PDS5B: variants seen among roughly 807,000 people sequenced by gnomAD.
PDS5B encodes sister chromatid cohesion protein PDS5 homolog B.
Under a neutral mutation model 184.1 loss-of-function variants are expected in PDS5B, and 51 were observed. That is an observed-to-expected ratio of 0.28 (90% CI 0.22 to 0.35). The LOEUF (loss-of-function observed/expected upper bound fraction) is 0.35. PDS5B is among the 10% of genes least tolerant of loss of function. PDS5B has a pLI of 1.00. For synonymous variants in PDS5B, 566 were observed against 569.2 expected (o/e 0.99, Z 0.08); for missense variants, 1,180 against 1,723.3 (o/e 0.68, Z 5.58).
intron 1 of PDS5B, among the ~76,000 whole-genome samples, chr13:32,603,490 T>C (rs1340425596): frequency 2.0e-5 from 3 of 152,252 alleles, no homozygotes; most frequent in African/African-American, 7.2e-5. Flanking sequence ...GCTGGTTTGG[T>C]TACTGTAGCC....
At chr13:32,746,412 A>C (rs1953744710) in intron 24 of PDS5B, among the ~76,000 whole-genome samples, 1 of 152,110 alleles carries the variant, frequency 6.6e-6, no homozygotes. Flanking sequence ...CCCTGGCCAC[A>C]ACATTTTCAT....
intron 6 of PDS5B, among the ~76,000 whole-genome samples, chr13:32,663,851 A>AT (rs1189984114): frequency 3.3e-5 from 5 of 152,096 alleles, no homozygotes; most frequent in Non-Finnish European, 5.9e-5. Context: ...TGTGTACACA[A>AT]TGTGTTTTTT....
At chr13:32,739,893 T>C (rs1016374182) in intron 21 of PDS5B, among the ~76,000 whole-genome samples, 1 of 152,208 alleles carries the variant, frequency 6.6e-6, no homozygotes, top group African/African-American at 2.4e-5. Context: ...TTTGTTTTTA[T>C]TGTATCTTTT....
At chr13:32,598,224 C>T (rs2057911713) in intron 1 of PDS5B, among the ~76,000 whole-genome samples, 1 of 152,004 alleles carries the variant, frequency 6.6e-6, no homozygotes. Context: ...AGGCACCCGC[C>T]ACCACGCCCA....
intron 13 of PDS5B, among the ~76,000 whole-genome samples, chr13:32,693,721 T>C (rs1003484669): frequency 3.5e-4 from 53 of 150,802 alleles, no homozygotes; most frequent in Admixed American, 2.4e-3. Context: ...GTTGCTTATA[T>C]ATCGAGTACC....
intron 12 of PDS5B, among the ~76,000 whole-genome samples, chr13:32,687,691 A>G (rs1593429534): frequency 6.6e-6 from 1 of 152,338 alleles, no homozygotes; most frequent in Middle Eastern, 3.4e-3. Flanking sequence ...TTATAAATTT[A>G]TATAAAAAAC....
chr13:32,768,316 G>A (rs1954649801), intron 31 of PDS5B, among the ~76,000 whole-genome samples: 1 of 152,130 alleles, frequency 6.6e-6, no homozygotes. Flanking sequence ...AGGCACCCAA[G>A]CTCACTGATG....
chr13:32,612,987 C>T (rs753926200), intron 1 of PDS5B, among the ~76,000 whole-genome samples: 7 of 152,284 alleles, frequency 4.6e-5, no homozygotes, highest in South Asian at 4.1e-4. Flanking sequence ...CTGAACATTG[C>T]GTATTAATGA....
intron 13 of PDS5B, among the ~76,000 whole-genome samples, chr13:32,693,122 T>A (rs1049892932): frequency 6.6e-6 from 1 of 152,044 alleles, no homozygotes; most frequent in Non-Finnish European, 1.5e-5. Context: ...CTTTGAAAAT[T>A]ATTTTAATCT....
chr13:32,628,811 A>G (rs1161329416), intron 1 of PDS5B, among the ~76,000 whole-genome samples: 1 of 152,130 alleles, frequency 6.6e-6, no homozygotes, highest in Non-Finnish European at 1.5e-5. Context: ...ATAATATTCC[A>G]TGGTAAAGAT....
intron 1 of PDS5B, among the ~76,000 whole-genome samples, chr13:32,642,358 A>C (rs1467672090): frequency 6.6e-6 from 1 of 152,200 alleles, no homozygotes; most frequent in Non-Finnish European, 1.5e-5. Flanking sequence ...AGGAGCTTAC[A>C]GTCTAGTGGG....
At chr13:32,657,426 C>G (rs1449561217) in intron 3 of PDS5B, among the ~76,000 whole-genome samples, 2 of 152,186 alleles carry the variant, frequency 1.3e-5, no homozygotes, top group African/African-American at 4.8e-5. Flanking sequence ...AGATTTTTCT[C>G]CATCCCTTTA....
intron 1 of PDS5B, among the ~76,000 whole-genome samples, chr13:32,642,957 G>A (rs762538681): frequency 9.2e-5 from 14 of 152,002 alleles, no homozygotes; most frequent in East Asian, 1.9e-4. Flanking sequence ...CCCATTTTAC[G>A]TGTTTTGCTC....
intron 3 of PDS5B, among the ~76,000 whole-genome samples, chr13:32,655,374 AT>A (rs1228814649): frequency 3.4e-4 from 25 of 72,466 alleles, no homozygotes; most frequent in African/African-American, 8.3e-4. Flanking sequence ...ATATATATAT[AT>A]TTTTTTTTTT....
intron 1 of PDS5B, among the ~76,000 whole-genome samples, chr13:32,609,158 T>C (rs1206110316): frequency 6.6e-6 from 1 of 152,240 alleles, no homozygotes; most frequent in Non-Finnish European, 1.5e-5. Flanking sequence ...GCAACTATCC[T>C]TAGTTCAAAT....
intron 19 of PDS5B, among the ~76,000 whole-genome samples, chr13:32,715,292 T>G (rs931663592): frequency 6.6e-6 from 1 of 152,206 alleles, no homozygotes; most frequent in Non-Finnish European, 1.5e-5. Flanking sequence ...AGGATATTCT[T>G]AAGTATACAG....
intron 1 of PDS5B, among the ~76,000 whole-genome samples, chr13:32,596,145 A>G (rs1238801255): frequency 6.6e-6 from 1 of 152,252 alleles, no homozygotes; most frequent in East Asian, 1.9e-4. Context: ...ATGATTATAC[A>G]CATGTAACCA....
intron 1 of PDS5B, among the ~76,000 whole-genome samples, chr13:32,605,540 T>G (rs559799357): frequency 5.9e-4 from 90 of 152,334 alleles, no homozygotes; most frequent in African/African-American, 2.1e-3. Flanking sequence ...GAGAAGAATA[T>G]ATATTCTGTT....
chr13:32,631,528 A>G (rs959781247), intron 1 of PDS5B, among the ~76,000 whole-genome samples: 4 of 152,182 alleles, frequency 2.6e-5, no homozygotes, highest in African/African-American at 4.8e-5. Flanking sequence ...TCCCCAGTCA[A>G]CAGTACCTGG....
Sources: gnomAD v4.1 joint callset for allele counts (sites outside exome capture counted in the v4.1 genomes callset) on GRCh38, gnomAD v4.1.1 for gene constraint, MANE v1.5 for transcripts, NCBI Gene and HGNC (gene_info 2026-07-23, HGNC 2026-07-21) for gene names.